The following ACSL5 variants were observed in gnomAD, a reference collection of about 807,000 sequenced individuals.
The protein encoded by ACSL5 is long-chain-fatty-acid--CoA ligase 5.
A neutral mutation model predicts 84.9 loss-of-function variants in ACSL5; 50 were observed. That is an observed-to-expected ratio of 0.59 (90% CI 0.47 to 0.75). The LOEUF (loss-of-function observed/expected upper bound fraction) is 0.75. ACSL5 is among the 30% of genes least tolerant of loss of function. The pLI is 0.00. For missense variants in ACSL5, 775 were observed against 830.4 expected, an observed-to-expected ratio of 0.93 and a Z score of 0.82; for synonymous variants, 280 against 300.7, an observed-to-expected ratio of 0.93 and a Z score of 0.71.
chr10:112,398,470 T>A (rs916516669), intron 2 of ACSL5, among the ~76,000 whole-genome samples: 3 of 152,054 alleles, frequency 2.0e-5, no homozygotes, highest in African/African-American at 7.2e-5. Context: ...AGTGGCGCGA[T>A]CTTGCCTCAC....
intron 14 of ACSL5, 144 bp downstream of exon 14, chr10:112,418,085 C>A: frequency 1.5e-6 from 1 of 664,994 alleles, no homozygotes; most frequent in South Asian, 2.0e-5. Flanking sequence ...ATCCTTCTAA[C>A]CATCTCTTCA....
intron 11 of ACSL5, 149 bp downstream of exon 11, chr10:112,412,128 A>C (rs942964202): frequency 4.6e-5 from 35 of 765,072 alleles, no homozygotes; most frequent in Non-Finnish European, 6.9e-5. Context: ...AGCCCTAATC[A>C]TGGCATGGCC....
chr10:112,413,109 C>A, intron 11 of ACSL5, 64 bp from the exon 12 acceptor site: 1 of 1,579,414 alleles, frequency 6.3e-7, no homozygotes, highest in East Asian at 2.3e-5. Context: ...GAATTCCTTC[C>A]AAGACAGGTC....
At chr10:112,376,970 GGAGT>G in intron 1 of ACSL5, among the ~76,000 whole-genome samples, 1 of 151,394 alleles carries the variant, frequency 6.6e-6, no homozygotes, top group East Asian at 2.0e-4. Flanking sequence ...AGACCCTCAG[GGAGT>G]AAGCACTGGA....
At chr10:112,421,702 T>C (rs2133661822) in intron 15 of ACSL5, 37 bp downstream of exon 15, 4 of 1,583,682 alleles carry the variant, frequency 2.5e-6, no homozygotes, top group East Asian at 2.2e-5. Context: ...GGTGCCATGG[T>C]TGGGAGAAAG....
intron 1 of ACSL5, among the ~76,000 whole-genome samples, chr10:112,393,502 G>A (rs1477675001): frequency 6.6e-6 from 1 of 152,194 alleles, no homozygotes; most frequent in African/African-American, 2.4e-5. Flanking sequence ...AGAGTGAAGT[G>A]TGTTTCCATT....
Position 112,394,942 on chromosome 10 carries a change from CA to C in ACSL5, c.-2del. On this transcript the variant is annotated 5_prime_UTR_variant, in exon 2 of 21. Transcript: ENST00000354655. The stretch of plus-strand genomic sequence containing the variant: ...GGTCTGAATTTCCTGCTGCTGTTCA[CA>C]AAGATGCTTTTTATCTTTAACTTTT... The C allele has an allele frequency of 6.2e-7, 1 of 1,613,378 alleles. No individual in the cohort carries two copies.
intron 1 of ACSL5, among the ~76,000 whole-genome samples, chr10:112,381,746 A>G (rs1228170300): frequency 6.6e-6 from 1 of 151,646 alleles, no homozygotes; most frequent in African/African-American, 2.4e-5. Context: ...AGGTGGGTGG[A>G]TCACGAGGTC....
chr10:112,413,926 C>T (rs995802884), intron 12 of ACSL5, among the ~76,000 whole-genome samples: 1 of 152,048 alleles, frequency 6.6e-6, no homozygotes, highest in African/African-American at 2.4e-5. Context: ...GATGCATCCT[C>T]TCATTGAATC....
Position 112,422,436 on chromosome 10 carries a change from C to T in ACSL5, c.1588C>T (p.Leu530Phe). 6.2e-7 allele frequency: 1 copy of T among 1,613,714 alleles called. No homozygotes were observed. The highest frequency in any genetic ancestry group is 8.5e-7 in the Non-Finnish European group (1 of 1,179,694). ...WLHTGDIGRW[L>F]PNGTLKIIDR... Reference sequence around the variant, plus strand: ...TCACACAGGAGACATTGGTCGCTGGCTCCCGGTAGGTATATCATCAGAACT... The same window carrying T: ...TCACACAGGAGACATTGGTCGCTGGTTCCCGGTAGGTATATCATCAGAACT... Residue 530 changes from leucine to phenylalanine, a missense_variant, in exon 17 of 21, where the codon CTC (leucine) becomes TTC (phenylalanine). Leu to Phe is a conservative substitution (Grantham distance 22). Coordinates refer to ENST00000354655, the MANE Select transcript of ACSL5 (RefSeq NM_203379.2).
At chr10:112,402,512 A>G (rs1464465142) in intron 3 of ACSL5, among the ~76,000 whole-genome samples, 1 of 152,122 alleles carries the variant, frequency 6.6e-6, no homozygotes, top group Non-Finnish European at 1.5e-5. Context: ...AGTGGCTTCC[A>G]CTCTGACAAA....
Position 112,413,184 on chromosome 10 carries a change from C to T in ACSL5, c.960C>T (p.Tyr320=). 1 of 1,614,098 alleles carries T rather than the reference C, an allele frequency of 6.2e-7. No individual in the cohort carries two copies. Among genetic ancestry groups the T allele is most frequent in the East Asian group, 2.2e-5 (1 of 44,888 alleles). Residue 320 remains tyrosine, a synonymous_variant, in exon 12 of 21, where the codon TAC becomes TAT. Transcript: ENST00000354655. ...GGTTTTGTTTTCAGGCTGTTGTGTA[C>T]AGCTGTGGAGCCAGAGTTGGATTCT... The part of the protein sequence containing the change: ...MFERIVQAVV[Y]SCGARVGFFQ...
At chr10:112,378,500 G>A (rs1211202965) in intron 1 of ACSL5, among the ~76,000 whole-genome samples, 1 of 152,004 alleles carries the variant, frequency 6.6e-6, no homozygotes, top group East Asian at 1.9e-4. Context: ...GCCTGCCTAG[G>A]CCTCCCAAAG....
At chr10:112,425,564 T>C in intron 18 of ACSL5, 83 bp downstream of exon 18, 1 of 1,173,194 alleles carries the variant, frequency 8.5e-7, no homozygotes. Flanking sequence ...TATAGTTGGG[T>C]TCAGAATGAG....
At chr10:112,377,368 C>T (rs923566763) in intron 1 of ACSL5, among the ~76,000 whole-genome samples, 8 of 152,146 alleles carry the variant, frequency 5.3e-5, no homozygotes, top group African/African-American at 1.7e-4. Flanking sequence ...GGCGAAACCC[C>T]ATCTCTACTG....
rs1188049832 is a variant in ACSL5 at position 112,398,041 on chromosome 10, C to CTTTTTT, written c.157-823_157-818dup. On this transcript the variant is annotated intron_variant, in intron 2 of 20. Transcript: ENST00000354655. ...TGGGTGGGATTACAGATCCACTTTT[C>CTTTTTT]TTTTTTTTTTTTTTTTTTTTTTTTT... is the stretch of plus-strand genomic sequence containing the variant. Among the ~76,000 whole-genome samples, 6 of 5,460 alleles carry CTTTTTT rather than the reference C, an allele frequency of 1.1e-3. 1 individual carries two copies. Among genetic ancestry groups the CTTTTTT allele is most frequent in the Non-Finnish European group, 1.9e-3 (4 of 2,146 alleles). The allele number at this position is 5,460 out of a possible 152,430, so 3.6% of individuals were successfully genotyped here. A position where few individuals can be genotyped will look rare whatever the true frequency, so the allele number is the denominator to read the frequency against.
chr10:112,411,635 C>A (rs1844180992), intron 10 of ACSL5, 106 bp downstream of exon 10: 4 of 1,004,090 alleles, frequency 4.0e-6, no homozygotes, highest in Non-Finnish European at 6.1e-6. Context: ...CATACACACA[C>A]ACACACACAC....
chr10:112,415,173 G>A (rs1046591177), intron 12 of ACSL5, among the ~76,000 whole-genome samples: 1 of 152,100 alleles, frequency 6.6e-6, no homozygotes, highest in Admixed American at 6.5e-5. Flanking sequence ...CTAATACACA[G>A]TTCACTTCTG....
intron 3 of ACSL5, among the ~76,000 whole-genome samples, chr10:112,401,817 TTTC>T (rs1207556121): frequency 1.9e-5 from 2 of 106,294 alleles, no homozygotes; most frequent in Non-Finnish European, 4.2e-5. Flanking sequence ...TCTTTCTTTC[TTTC>T]TTTCTTTCTT....
Sources: gnomAD v4.1 joint callset for allele counts (sites outside exome capture counted in the v4.1 genomes callset) on GRCh38, gnomAD v4.1.1 for gene constraint, MANE v1.5 for transcripts, NCBI Gene and HGNC (gene_info 2026-07-23, HGNC 2026-07-21) for gene names.